The following ASPRV1 variants were observed in gnomAD, a reference collection of about 807,000 sequenced individuals.
ASPRV1 encodes retroviral-like aspartic protease 1.
Under a neutral mutation model 11.0 loss-of-function variants are expected in ASPRV1, and 7 were observed. The observed-to-expected ratio is 0.64, with a 90% confidence interval of 0.36 to 1.20. The LOEUF (loss-of-function observed/expected upper bound fraction) is 1.20. ASPRV1 is among the 50% of genes most tolerant of loss of function. The pLI, the probability that ASPRV1 is intolerant of heterozygous loss-of-function variation, is 0.02. For missense variants in ASPRV1, 299 were observed against 320.0 expected (o/e 0.93, Z 0.50); for synonymous variants, 136 against 138.4 (o/e 0.98, Z 0.12).
chr2:70,014,148 G>GA, the ASPRV1 span, among the ~76,000 whole-genome samples: 3 of 151,996 alleles, frequency 2.0e-5, no homozygotes, highest in African/African-American at 7.2e-5. Context: ...GGCAACAAAA[G>GA]AAAAAATAGA....
At chr2:69,942,154 A>G in the ASPRV1 span, 2,188 of 152,086 alleles carry the variant, frequency 0.014, 40 homozygotes, top group Non-Finnish European at 0.017. Context: ...TTCTTTTTCT[A>G]TGTTTGACTC....
the ASPRV1 span, among the ~76,000 whole-genome samples, chr2:70,014,812 A>AAG: frequency 6.6e-6 from 1 of 151,392 alleles, no homozygotes; most frequent in Admixed American, 6.6e-5. Context: ...AAAAAAAAAA[A>AAG]AAAAAAGAAA....
At chr2:69,999,035 A>T in the ASPRV1 span, among the ~76,000 whole-genome samples, 1 of 152,210 alleles carries the variant, frequency 6.6e-6, no homozygotes, top group Non-Finnish European at 1.5e-5. Flanking sequence ...GGTCAATGAC[A>T]GTGAGTTAAC....
the ASPRV1 span, among the ~76,000 whole-genome samples, chr2:69,952,161 C>T: frequency 1.3e-5 from 2 of 152,170 alleles, no homozygotes; most frequent in African/African-American, 4.8e-5. Context: ...GGCAAATTAA[C>T]CTCTCCCAAT....
the ASPRV1 span, among the ~76,000 whole-genome samples, chr2:69,996,323 T>C: frequency 0.028 from 4,039 of 146,198 alleles, 179 homozygotes; most frequent in African/African-American, 0.097. Flanking sequence ...GCCCAGGAGG[T>C]CAAAGCTGCA....
the ASPRV1 span, chr2:69,935,481 G>T: frequency 6.5e-7 from 1 of 1,539,260 alleles, no homozygotes; most frequent in East Asian, 2.2e-5. Context: ...TGTATTGTTG[G>T]GATGCTGCTT....
chr2:70,068,367 C>T, the ASPRV1 span, among the ~76,000 whole-genome samples: 3 of 152,176 alleles, frequency 2.0e-5, no homozygotes, highest in Non-Finnish European at 4.4e-5. Flanking sequence ...GAAGAAAGAG[C>T]TAGTTTCACT....
the ASPRV1 span, among the ~76,000 whole-genome samples, chr2:70,021,679 T>C: frequency 6.6e-6 from 1 of 151,256 alleles, no homozygotes; most frequent in African/African-American, 2.4e-5. Flanking sequence ...CAATACGGTA[T>C]TGTGCACTTT....
At chr2:70,062,378 T>A in the ASPRV1 span, among the ~76,000 whole-genome samples, 12 of 152,222 alleles carry the variant, frequency 7.9e-5, no homozygotes, top group African/African-American at 2.9e-4. Flanking sequence ...CTGATCAAGC[T>A]GCAGATTCCT....
chr2:70,012,728 T>G, the ASPRV1 span, among the ~76,000 whole-genome samples: 1 of 152,212 alleles, frequency 6.6e-6, no homozygotes, highest in African/African-American at 2.4e-5. Context: ...TTATTAATAC[T>G]CTGTACACAA....
chr2:70,063,404 C>T, the ASPRV1 span, among the ~76,000 whole-genome samples: 10 of 152,192 alleles, frequency 6.6e-5, no homozygotes, highest in Non-Finnish European at 1.3e-4. Context: ...ACTCTCTCCC[C>T]AAAATTCAGA....
chr2:70,026,865 G>A, the ASPRV1 span, among the ~76,000 whole-genome samples: 1 of 151,976 alleles, frequency 6.6e-6, no homozygotes, highest in African/African-American at 2.4e-5. Flanking sequence ...ACATTCCTAG[G>A]GAACCACAAA....
At chr2:69,964,053 CTT>C (rs775007839), upstream of ASPRV1, among the ~76,000 whole-genome samples, 1 of 152,176 alleles carries the variant, frequency 6.6e-6, no homozygotes, top group African/African-American at 2.4e-5. Flanking sequence ...TAAATCAAGA[CTT>C]TTTCCCCCTC....
chr2:70,073,133 T>C, the ASPRV1 span: 1 of 152,150 alleles, frequency 6.6e-6, no homozygotes, highest in Non-Finnish European at 1.5e-5. Context: ...TAAGAACTGA[T>C]GAGCTCCCCT....
chr2:69,966,224 G>A (rs1237353313), upstream of ASPRV1, among the ~76,000 whole-genome samples: 3 of 152,192 alleles, frequency 2.0e-5, no homozygotes. Flanking sequence ...GCCAAAACCG[G>A]TTCTCCCCTG....
At chr2:70,070,993 G>C in the ASPRV1 span, among the ~76,000 whole-genome samples, 2 of 152,130 alleles carry the variant, frequency 1.3e-5, no homozygotes, top group African/African-American at 2.4e-5. Context: ...GTCTGGGTTT[G>C]TGAGTTGTTC....
At chr2:70,068,593 G>A in the ASPRV1 span, among the ~76,000 whole-genome samples, 1 of 151,954 alleles carries the variant, frequency 6.6e-6, no homozygotes, top group Non-Finnish European at 1.5e-5. Context: ...ATAGAAAGGA[G>A]GTAAGGAAGA....
the ASPRV1 span, among the ~76,000 whole-genome samples, chr2:69,979,613 T>A: frequency 6.6e-6 from 1 of 151,818 alleles, no homozygotes; most frequent in East Asian, 1.9e-4. Flanking sequence ...GGGGGCAGAG[T>A]CTCAGCCTCA....
the ASPRV1 span, among the ~76,000 whole-genome samples, chr2:70,082,177 G>C: frequency 6.6e-6 from 1 of 151,964 alleles, no homozygotes; most frequent in South Asian, 2.1e-4. Flanking sequence ...TAGAGACACA[G>C]TTTTGCCATG....
Sources: allele counts gnomAD v4.1 joint callset (sites outside exome capture counted in the v4.1 genomes callset), GRCh38; gene constraint gnomAD v4.1.1; transcripts MANE v1.5; gene names NCBI Gene and HGNC (gene_info 2026-07-23, HGNC 2026-07-21).